Variants in ACYP2 observed in about 807,000 individuals in gnomAD.
ACYP2 encodes acylphosphatase-2.
A neutral mutation model predicts 11.2 loss-of-function variants in ACYP2; 12 were observed. That is an observed-to-expected ratio of 1.08 (90% CI 0.69 to 1.74). The LOEUF (loss-of-function observed/expected upper bound fraction) is 1.74. Among genes scored for constraint, ACYP2 ranks in the 40% most tolerant of loss-of-function variants. ACYP2 has a pLI of 0.00. For missense variants in ACYP2, 134 were observed against 101.9 expected, an observed-to-expected ratio of 1.31 and a Z score of -1.35; for synonymous variants, 43 against 32.2, an observed-to-expected ratio of 1.33 and a Z score of -1.13.
intron 4 of ACYP2, among the ~76,000 whole-genome samples, chr2:54,061,022 T>G (rs993280938): frequency 6.6e-6 from 1 of 152,110 alleles, no homozygotes; most frequent in African/African-American, 2.4e-5. Flanking sequence ...TTTTAATTAA[T>G]TAATTATTTT....
At chr2:54,151,057 A>G (rs992476569) in intron 6 of ACYP2, among the ~76,000 whole-genome samples, 1 of 152,156 alleles carries the variant, frequency 6.6e-6, no homozygotes. Context: ...GTGTTTCTAT[A>G]CAGAGCTGAT....
chr2:54,201,676 TTCTTTC>T (rs1273875559), intron 6 of ACYP2, among the ~76,000 whole-genome samples: 97 of 108,798 alleles, frequency 8.9e-4, no homozygotes, highest in African/African-American at 2.2e-3. Flanking sequence ...CTTTCTTTCT[TTCTTTC>T]TCTCTCTCTC....
intron 6 of ACYP2, among the ~76,000 whole-genome samples, chr2:54,299,257 G>C (rs1256282673): frequency 6.6e-6 from 1 of 152,100 alleles, no homozygotes; most frequent in Admixed American, 6.5e-5. Flanking sequence ...AAGATATCAA[G>C]ATACCAACGT....
At chr2:54,041,552 A>G (rs569423106) in intron 2 of ACYP2, among the ~76,000 whole-genome samples, 22 of 152,326 alleles carry the variant, frequency 1.4e-4, no homozygotes, top group Admixed American at 1.2e-3. Context: ...CATGAATTTA[A>G]AGTGAGATCT....
intron 6 of ACYP2, among the ~76,000 whole-genome samples, chr2:54,145,691 T>G (rs1476693423): frequency 6.6e-6 from 1 of 152,224 alleles, no homozygotes; most frequent in East Asian, 1.9e-4. Flanking sequence ...GGTCAAATGA[T>G]ATTAAACTAT....
chr2:54,278,797 C>A (rs533441718), intron 6 of ACYP2, among the ~76,000 whole-genome samples: 1 of 152,282 alleles, frequency 6.6e-6, no homozygotes, highest in South Asian at 2.1e-4. Context: ...ATATTAACAA[C>A]TTTTCTTAAA....
intron 4 of ACYP2, among the ~76,000 whole-genome samples, chr2:54,101,671 CAAAAA>C (rs61395630): frequency 1.6e-5 from 2 of 121,916 alleles, no homozygotes; most frequent in South Asian, 5.2e-4. Context: ...GAGACTGTCT[CAAAAA>C]AAAAAAAAAA....
chr2:54,054,583 A>G (rs1490233409), intron 3 of ACYP2, among the ~76,000 whole-genome samples: 2 of 152,198 alleles, frequency 1.3e-5, no homozygotes. Context: ...ACTGTGTGTT[A>G]ACCATGCTAT....
At chr2:53,982,640 G>C (rs1202274022) in intron 2 of ACYP2, among the ~76,000 whole-genome samples, 2 of 152,126 alleles carry the variant, frequency 1.3e-5, no homozygotes, top group African/African-American at 4.8e-5. Flanking sequence ...ATTTTGAAAG[G>C]TGCGACTTAT....
chr2:54,238,036 A>T (rs1686571038), intron 6 of ACYP2, among the ~76,000 whole-genome samples: 1 of 152,146 alleles, frequency 6.6e-6, no homozygotes. Context: ...TTAGCCTGGA[A>T]CACTGTTTTC....
At chr2:54,071,658 A>G (rs1490946769) in intron 4 of ACYP2, among the ~76,000 whole-genome samples, 9 of 152,122 alleles carry the variant, frequency 5.9e-5, no homozygotes, top group Admixed American at 3.9e-4. Context: ...GGGTTTCACC[A>G]TGTTGCCCAG....
At chr2:54,152,844 T>C (rs571337428) in intron 6 of ACYP2, among the ~76,000 whole-genome samples, 1 of 152,214 alleles carries the variant, frequency 6.6e-6, no homozygotes, top group South Asian at 2.1e-4. Context: ...TATTAATTTT[T>C]TTAGAGATAG....
chr2:54,242,020 G>GA (rs2103987365), intron 6 of ACYP2, among the ~76,000 whole-genome samples: 1 of 152,114 alleles, frequency 6.6e-6, no homozygotes, highest in East Asian at 1.9e-4. Context: ...TATCAAAAAA[G>GA]AAAAAAATTC....
At chr2:54,239,802 C>T (rs984335874) in intron 6 of ACYP2, among the ~76,000 whole-genome samples, 1 of 152,126 alleles carries the variant, frequency 6.6e-6, no homozygotes, top group Non-Finnish European at 1.5e-5. Context: ...AGTTGTGGCT[C>T]ACCAAGAAGC....
chr2:53,974,193 C>G (rs1193568427), intron 2 of ACYP2, among the ~76,000 whole-genome samples: 1 of 151,860 alleles, frequency 6.6e-6, no homozygotes, highest in Non-Finnish European at 1.5e-5. Context: ...GGATTACAGG[C>G]TTGAGCCACT....
intron 6 of ACYP2, among the ~76,000 whole-genome samples, chr2:54,174,204 T>A (rs1683340030): frequency 6.6e-6 from 1 of 152,200 alleles, no homozygotes; most frequent in Non-Finnish European, 1.5e-5. Context: ...CTCTTTTATT[T>A]TGTTGAGCAG....
intron 6 of ACYP2, among the ~76,000 whole-genome samples, chr2:54,204,986 T>C (rs1316103641): frequency 6.6e-6 from 1 of 152,168 alleles, no homozygotes; most frequent in Non-Finnish European, 1.5e-5. Flanking sequence ...ATAGGCACCT[T>C]CTCCTTGAGT....
chr2:54,159,779 C>A (rs1682625881), intron 6 of ACYP2, among the ~76,000 whole-genome samples: 3 of 152,046 alleles, frequency 2.0e-5, no homozygotes, highest in Admixed American at 2.0e-4. Context: ...ACAGGCCTTG[C>A]CTCTCCTTCT....
At chr2:54,148,447 A>AGTGCC (rs1051790867) in intron 6 of ACYP2, among the ~76,000 whole-genome samples, 1 of 152,246 alleles carries the variant, frequency 6.6e-6, no homozygotes, top group African/African-American at 2.4e-5. Flanking sequence ...CACTTAGTGC[A>AGTGCC]GTGCCTGGCA....
Sources: allele counts gnomAD v4.1 joint callset (sites outside exome capture counted in the v4.1 genomes callset), GRCh38; gene constraint gnomAD v4.1.1; transcripts MANE v1.5; gene names NCBI Gene and HGNC (gene_info 2026-07-23, HGNC 2026-07-21).